The following SLC9A9 variants were observed in gnomAD, a reference collection of about 807,000 sequenced individuals.
SLC9A9 encodes solute carrier family 9 member A9.
SLC9A9 carries 62 observed loss-of-function variants against 77.8 expected under a neutral mutation model. The observed-to-expected ratio is 0.80, with a 90% CI of 0.65 to 0.98. The LOEUF (loss-of-function observed/expected upper bound fraction) is 0.98, where lower values mean the gene tolerates loss of function less well. Ranked by LOEUF, SLC9A9 falls within the 50% of genes least tolerant of loss-of-function variation. The pLI is 0.00. For missense variants in SLC9A9, 775 were observed against 774.9 expected (o/e 1.00, Z 0.00); for synonymous variants, 320 against 283.5 (o/e 1.13, Z -1.29).
At chr3:143,795,389 T>C (rs2008356576) in intron 3 of SLC9A9, among the ~76,000 whole-genome samples, 1 of 151,934 alleles carries the variant, frequency 6.6e-6, no homozygotes, top group Admixed American at 6.6e-5. Flanking sequence ...GGGCAATGTC[T>C]ATGCCAGAAT....
At chr3:143,327,338 C>T (rs2031636249) in intron 14 of SLC9A9, among the ~76,000 whole-genome samples, 1 of 152,130 alleles carries the variant, frequency 6.6e-6, no homozygotes, top group Non-Finnish European at 1.5e-5. Context: ...AAGGAACTTT[C>T]CTCTTAAATA....
At chr3:143,419,920 C>T (rs948368294) in intron 12 of SLC9A9, among the ~76,000 whole-genome samples, 3 of 152,200 alleles carry the variant, frequency 2.0e-5, no homozygotes, top group Admixed American at 2.0e-4. Context: ...ATGCCAAGGA[C>T]TGTGGTCATT....
intron 14 of SLC9A9, among the ~76,000 whole-genome samples, chr3:143,315,817 A>G (rs2031192395): frequency 6.6e-6 from 1 of 152,228 alleles, no homozygotes; most frequent in South Asian, 2.1e-4. Flanking sequence ...TAAAATGTGT[A>G]TTAATTGTGG....
At chr3:143,585,080 T>C (rs978611575) in intron 6 of SLC9A9, among the ~76,000 whole-genome samples, 2 of 152,216 alleles carry the variant, frequency 1.3e-5, no homozygotes, top group Non-Finnish European at 2.9e-5. Flanking sequence ...TAGAGACCTC[T>C]GTTGGCATGA....
chr3:143,609,884 T>G (rs568736684), intron 6 of SLC9A9, among the ~76,000 whole-genome samples: 1 of 151,076 alleles, frequency 6.6e-6, no homozygotes, highest in South Asian at 2.1e-4. Context: ...TTGCTTTTAA[T>G]TTTTTGTTTT....
chr3:143,600,740 C>T (rs2037833417), intron 6 of SLC9A9, among the ~76,000 whole-genome samples: 1 of 152,094 alleles, frequency 6.6e-6, no homozygotes, highest in South Asian at 2.1e-4. Flanking sequence ...TCATGAGGAG[C>T]TAAAATAATG....
intron 12 of SLC9A9, among the ~76,000 whole-genome samples, chr3:143,406,744 G>A (rs1400662449): frequency 2.0e-5 from 3 of 152,158 alleles, no homozygotes; most frequent in African/African-American, 7.2e-5. Context: ...GGAAGGCCAA[G>A]GCCGGGAGAT....
At chr3:143,782,471 A>T (rs555277837) in intron 4 of SLC9A9, among the ~76,000 whole-genome samples, 1 of 152,364 alleles carries the variant, frequency 6.6e-6, no homozygotes, top group African/African-American at 2.4e-5. Context: ...AGTTTAGCTT[A>T]CAAGTTCTGG....
At chr3:143,600,011 CT>C (rs560596066) in intron 6 of SLC9A9, among the ~76,000 whole-genome samples, 194 of 149,186 alleles carry the variant, frequency 1.3e-3, no homozygotes, top group African/African-American at 4.1e-3. Flanking sequence ...GTTTTGCTAC[CT>C]TTTTTTTTTA....
intron 2 of SLC9A9, among the ~76,000 whole-genome samples, chr3:143,817,509 T>C (rs1421508365): frequency 6.6e-6 from 1 of 152,224 alleles, no homozygotes; most frequent in East Asian, 1.9e-4. Flanking sequence ...GTGCTTTTGG[T>C]GATATCTTTA....
chr3:143,632,351 T>A (rs768016711), intron 6 of SLC9A9, among the ~76,000 whole-genome samples: 1 of 152,098 alleles, frequency 6.6e-6, no homozygotes, highest in South Asian at 2.1e-4. Context: ...AAGATTCTAA[T>A]GGAATGGAGA....
At chr3:143,303,222 A>G (rs2030613295) in intron 14 of SLC9A9, among the ~76,000 whole-genome samples, 1 of 152,234 alleles carries the variant, frequency 6.6e-6, no homozygotes, top group African/African-American at 2.4e-5. Context: ...TGAGACTCAA[A>G]GAAGTAGCTG....
intron 14 of SLC9A9, among the ~76,000 whole-genome samples, chr3:143,329,773 A>T (rs1027146098): frequency 1.3e-5 from 2 of 151,912 alleles, no homozygotes; most frequent in African/African-American, 4.8e-5. Flanking sequence ...CAGCTGCAGG[A>T]CCTGGGAGCC....
intron 4 of SLC9A9, among the ~76,000 whole-genome samples, chr3:143,706,956 G>T (rs1933998592): frequency 6.6e-6 from 1 of 152,106 alleles, no homozygotes; most frequent in Non-Finnish European, 1.5e-5. Context: ...TCCAATTTTT[G>T]GTCCCCAGTC....
In SLC9A9 at chr3:143,678,091, G is replaced by C. The variant is rs545744850; in HGVS notation, c.649+15101C>G. ...TCCACCCGCCTCAGCCTCCCAAAGT[G>C]CTGGGATTACAGGCATGAGCCACCG... On this transcript the variant is annotated intron_variant, in intron 5 of 15. Coordinates refer to ENST00000316549, the MANE Select transcript of SLC9A9 (RefSeq NM_173653.4). Among the ~76,000 whole-genome samples the C allele has an allele frequency of 1.1e-4, 17 of 152,300 alleles. No individual in the cohort carries two copies. In the South Asian group the frequency reaches 3.5e-3, roughly 32 times the overall value.
intron 6 of SLC9A9, among the ~76,000 whole-genome samples, chr3:143,649,423 A>G (rs2038761585): frequency 6.6e-6 from 1 of 152,204 alleles, no homozygotes; most frequent in Non-Finnish European, 1.5e-5. Flanking sequence ...ATTCTGGAAC[A>G]TTGTAAATCA....
chr3:143,303,514 G>A (rs570279067), intron 14 of SLC9A9, among the ~76,000 whole-genome samples: 2 of 152,296 alleles, frequency 1.3e-5, no homozygotes, highest in African/African-American at 4.8e-5. Context: ...GCAAGAGGAG[G>A]ACTAAGTGAT....
In SLC9A9 at chr3:143,296,956, T is replaced by G. The variant is rs141230257; in HGVS notation, c.1605-27976A>C. 2.5e-3 allele frequency among the ~76,000 whole-genome samples: 385 copies of G among 152,088 alleles called. 2 individuals are homozygous for G. The highest frequency in any genetic ancestry group is 8.9e-3 in the African/African-American group (367 of 41,326). ...TATCAGATACATAGTTTGCAAATATTTTCTTCCATTCTACAGGTTGTCTTT... is the reference window on the plus strand; with the variant it reads ...TATCAGATACATAGTTTGCAAATATGTTCTTCCATTCTACAGGTTGTCTTT... On this transcript the variant is annotated intron_variant, in intron 14 of 15. Coordinates refer to ENST00000316549, the MANE Select transcript of SLC9A9 (RefSeq NM_173653.4).
At chr3:143,451,689 A>G (rs1576507503) in intron 12 of SLC9A9, among the ~76,000 whole-genome samples, 2 of 152,264 alleles carry the variant, frequency 1.3e-5, no homozygotes, top group Non-Finnish European at 2.9e-5. Flanking sequence ...GGACTTTTCT[A>G]TATTGCTTTC....
Sources: allele counts gnomAD v4.1 joint callset (sites outside exome capture counted in the v4.1 genomes callset), GRCh38; gene constraint gnomAD v4.1.1; transcripts MANE v1.5; gene names NCBI Gene and HGNC (gene_info 2026-07-23, HGNC 2026-07-21).